SGCZ: variants seen among roughly 807,000 people sequenced by gnomAD.
SGCZ encodes zeta-sarcoglycan.
Under a neutral mutation model 41.3 loss-of-function variants are expected in SGCZ, and 40 were observed. That is an observed-to-expected ratio of 0.97 (90% CI 0.75 to 1.26). SGCZ has a LOEUF of 1.26. Ranked by LOEUF, SGCZ falls within the 50% of genes most tolerant of loss-of-function variation. The probability of loss-of-function intolerance (pLI) is 0.00; values close to 1 mark genes in which losing one functional copy is unlikely to be tolerated. For synonymous variants in SGCZ, 206 were observed against 137.5 expected (o/e 1.50, Z -3.49); for missense variants, 552 against 369.8 (o/e 1.49, Z -4.04).
intron 1 of SGCZ, among the ~76,000 whole-genome samples, chr8:15,114,667 C>A (rs78757657): frequency 0.011 from 1,719 of 151,956 alleles, 28 homozygotes; most frequent in African/African-American, 0.04. Context: ...TGAACCCATA[C>A]AAATATTCAG....
At chr8:14,212,551 G>A (rs535844441) in intron 4 of SGCZ, among the ~76,000 whole-genome samples, 41 of 150,070 alleles carry the variant, frequency 2.7e-4, no homozygotes, top group African/African-American at 9.5e-4. Context: ...GTAGGCCATA[G>A]CCTACACATT....
At chr8:15,035,628 A>C (rs772056300) in intron 1 of SGCZ, among the ~76,000 whole-genome samples, 6 of 152,142 alleles carry the variant, frequency 3.9e-5, no homozygotes, top group Non-Finnish European at 8.8e-5. Context: ...GGACACACAG[A>C]CTAAAGTAAA....
intron 2 of SGCZ, among the ~76,000 whole-genome samples, chr8:14,409,549 G>C (rs1299882857): frequency 6.6e-6 from 1 of 151,976 alleles, no homozygotes; most frequent in Non-Finnish European, 1.5e-5. Flanking sequence ...GGGAATTAAA[G>C]ACAGGGAGAG....
At chr8:14,904,023 T>A (rs1169665422) in intron 1 of SGCZ, among the ~76,000 whole-genome samples, 1 of 152,020 alleles carries the variant, frequency 6.6e-6, no homozygotes, top group Non-Finnish European at 1.5e-5. Flanking sequence ...TACAAAAAAA[T>A]TTTAAAAGTC....
chr8:14,343,485 A>C (rs936449693), intron 2 of SGCZ, among the ~76,000 whole-genome samples: 25 of 152,224 alleles, frequency 1.6e-4, no homozygotes, highest in Admixed American at 1.5e-3. Context: ...CTTGGACTCT[A>C]CGTATGTTTT....
At chr8:15,168,026 T>A (rs1006877485) in intron 1 of SGCZ, among the ~76,000 whole-genome samples, 9 of 152,242 alleles carry the variant, frequency 5.9e-5, no homozygotes, top group African/African-American at 2.2e-4. Flanking sequence ...CTTTGCAGCA[T>A]AACTATAGCC....
intron 2 of SGCZ, among the ~76,000 whole-genome samples, chr8:14,419,150 T>G (rs780115006): frequency 2.0e-5 from 3 of 151,798 alleles, no homozygotes; most frequent in Non-Finnish European, 4.4e-5. Flanking sequence ...ATTACCAAAC[T>G]CATAAAATAT....
intron 1 of SGCZ, among the ~76,000 whole-genome samples, chr8:14,716,847 T>C (rs544889594): frequency 2.0e-5 from 3 of 152,276 alleles, no homozygotes; most frequent in East Asian, 1.9e-4. Flanking sequence ...CCTATATTTA[T>C]AGCCCATGCT....
intron 1 of SGCZ, among the ~76,000 whole-genome samples, chr8:14,652,700 G>T (rs1807444782): frequency 6.6e-6 from 1 of 152,008 alleles, no homozygotes; most frequent in Non-Finnish European, 1.5e-5. Context: ...CACTAAAATT[G>T]AATAGGAAAG....
chr8:14,332,649 C>G (rs1802376635), intron 2 of SGCZ: 1 of 151,670 alleles, frequency 6.6e-6, no homozygotes. Context: ...CACTACGGTA[C>G]TTGAATAGCC....
intron 3 of SGCZ, among the ~76,000 whole-genome samples, chr8:14,280,653 C>A (rs1370494552): frequency 1.3e-5 from 2 of 151,864 alleles, no homozygotes; most frequent in Admixed American, 1.3e-4. Flanking sequence ...AATGGCAGTA[C>A]AATCATTACT....
At chr8:15,055,077 G>T (rs1463254635) in intron 1 of SGCZ, among the ~76,000 whole-genome samples, 1 of 151,844 alleles carries the variant, frequency 6.6e-6, no homozygotes, top group Non-Finnish European at 1.5e-5. Context: ...AAGAATAAGT[G>T]CCATCCTTGT....
At chr8:14,105,383 C>A (rs1042505831) in intron 6 of SGCZ, among the ~76,000 whole-genome samples, 1 of 151,950 alleles carries the variant, frequency 6.6e-6, no homozygotes, top group African/African-American at 2.4e-5. Flanking sequence ...TTCACAATAA[C>A]AAAACCAAAG....
chr8:14,205,871 A>T (rs893368259), intron 4 of SGCZ, among the ~76,000 whole-genome samples: 1 of 152,098 alleles, frequency 6.6e-6, no homozygotes. Context: ...AGATATTTTC[A>T]TAAAAAACAA....
intron 2 of SGCZ, among the ~76,000 whole-genome samples, chr8:14,325,002 T>C (rs900413263): frequency 2.0e-5 from 3 of 152,116 alleles, no homozygotes; most frequent in African/African-American, 7.2e-5. Context: ...ATTTCTATTT[T>C]TGAATATTGG....
At chr8:14,194,981 T>C (rs901615906) in intron 4 of SGCZ, among the ~76,000 whole-genome samples, 2 of 152,186 alleles carry the variant, frequency 1.3e-5, no homozygotes, top group African/African-American at 2.4e-5. Flanking sequence ...ACTAACTTAA[T>C]TGCAACCAGA....
At chr8:15,135,320 C>G (rs1808063820) in intron 1 of SGCZ, among the ~76,000 whole-genome samples, 1 of 152,116 alleles carries the variant, frequency 6.6e-6, no homozygotes, top group Admixed American at 6.6e-5. Context: ...AGCAGAGTTG[C>G]TGAAATTGGC....
At chr8:14,663,307 T>C (rs932846752) in intron 1 of SGCZ, among the ~76,000 whole-genome samples, 4 of 152,192 alleles carry the variant, frequency 2.6e-5, no homozygotes, top group African/African-American at 7.2e-5. Context: ...TCTTTTTACG[T>C]ATTTTTCTTC....
At chr8:15,211,107 A>G (rs1801223966) in intron 1 of SGCZ, among the ~76,000 whole-genome samples, 1 of 151,258 alleles carries the variant, frequency 6.6e-6, no homozygotes, top group African/African-American at 2.4e-5. Context: ...ATATAGCTAT[A>G]TCTAGATATT....
Sources: allele counts gnomAD v4.1 joint callset (sites outside exome capture counted in the v4.1 genomes callset), GRCh38; gene constraint gnomAD v4.1.1; transcripts MANE v1.5; gene names NCBI Gene and HGNC (gene_info 2026-07-23, HGNC 2026-07-21).